SLCO2B1: variants seen among roughly 807,000 people sequenced by gnomAD.
The protein encoded by SLCO2B1 is solute carrier organic anion transporter family member 2B1.
In SLCO2B1, 41 loss-of-function variants were observed where a neutral mutation model predicts 67.3. The ratio of observed to expected loss-of-function variants is 0.61; its 90% CI spans 0.47 to 0.79. SLCO2B1 has a LOEUF of 0.79. SLCO2B1 is among the 30% of genes least tolerant of loss of function. The probability of loss-of-function intolerance (pLI) is 0.00; values close to 1 mark genes in which losing one functional copy is unlikely to be tolerated. For missense variants in SLCO2B1, 837 were observed against 920.1 expected, an observed-to-expected ratio of 0.91 and a Z score of 1.17; for synonymous variants, 379 against 381.4, an observed-to-expected ratio of 0.99 and a Z score of 0.07.
At chr11:75,172,308 T>A (rs1051967260) in intron 6 of SLCO2B1, 71 bp from the exon 7 acceptor site, 5 of 1,426,708 alleles carry the variant, frequency 3.5e-6, no homozygotes, top group Non-Finnish European at 4.8e-6. Flanking sequence ...CAGAGGCCAG[T>A]CCCAGGATGG....
At chr11:75,187,063 C>T (rs914942287) in intron 7 of SLCO2B1, among the ~76,000 whole-genome samples, 2 of 152,200 alleles carry the variant, frequency 1.3e-5, no homozygotes, top group Non-Finnish European at 2.9e-5. Context: ...ATGGTATCTA[C>T]TTCATTATTT....
intron 7 of SLCO2B1, among the ~76,000 whole-genome samples, chr11:75,186,469 A>G (rs565503613): frequency 2.0e-5 from 3 of 151,834 alleles, no homozygotes; most frequent in Admixed American, 6.6e-5. Context: ...TCACCCTCCC[A>G]AAGTGCTGAG....
intron 13 of SLCO2B1, chr11:75,203,772 T>C (rs1945224587): frequency 4.2e-6 from 1 of 237,558 alleles, no homozygotes; most frequent in Admixed American, 5.2e-5. Context: ...GAAAGCCCTG[T>C]CTAGGACACA....
At chr11:75,204,302 G>A in intron 13 of SLCO2B1, 98 bp from the exon 14 acceptor site, 1 of 1,253,686 alleles carries the variant, frequency 8.0e-7, no homozygotes, top group Non-Finnish European at 1.1e-6. Flanking sequence ...GTCTCCCTGA[G>A]GCCTCAGTAT....
In SLCO2B1 at chr11:75,205,292, T is replaced by A. The variant is rs1304789350; in HGVS notation, c.*712T>A. 6.6e-6 allele frequency: 1 copy of A among 152,290 alleles called. No homozygotes were observed. The highest frequency in any genetic ancestry group is 1.5e-5 in the Non-Finnish European group (1 of 68,090). The allele number at this position is 152,290 out of a possible 1,614,324, so 9.4% of individuals were successfully genotyped here. A position where few individuals can be genotyped will look rare whatever the true frequency, so the allele number is the denominator to read the frequency against. ...ACTCACTCTCCATCTCAGGAAATTCTAGCCCTTGCCCTCAGGGAGCCACGG... is the reference window on the plus strand; with the variant it reads ...ACTCACTCTCCATCTCAGGAAATTCAAGCCCTTGCCCTCAGGGAGCCACGG... On this transcript the variant is annotated 3_prime_UTR_variant, in exon 14 of 14. Transcript: ENST00000289575.
chr11:75,191,218 G>T (rs1327653087), intron 8 of SLCO2B1, among the ~76,000 whole-genome samples: 2 of 152,028 alleles, frequency 1.3e-5, no homozygotes, highest in Non-Finnish European at 2.9e-5. Context: ...CCTTAAACTG[G>T]CCTCTGGATG....
intron 4 of SLCO2B1, among the ~76,000 whole-genome samples, chr11:75,166,709 G>A (rs867591549): frequency 4.6e-5 from 7 of 152,232 alleles, no homozygotes; most frequent in East Asian, 3.9e-4. Flanking sequence ...TGCCTACTTC[G>A]TGCCTGAGCC....
chr11:75,195,471 C>T (rs985647603), intron 9 of SLCO2B1, among the ~76,000 whole-genome samples: 1 of 152,112 alleles, frequency 6.6e-6, no homozygotes, highest in Non-Finnish European at 1.5e-5. Flanking sequence ...TTCCTTCCCT[C>T]TCTGATAGAG....
intron 11 of SLCO2B1, chr11:75,201,117 C>T: frequency 6.9e-6 from 1 of 145,100 alleles, no homozygotes; most frequent in Non-Finnish European, 1.5e-5. Context: ...ACCTCCTCCT[C>T]CTGGGTTCAC....
At position 75,196,554 on chromosome 11, in the gene SLCO2B1, G is replaced by C. The variant is rs752102813; in HGVS notation, c.1474G>C (p.Ala492Pro). 1.7e-5 allele frequency: 27 copies of C among 1,614,080 alleles called. No individual in the cohort carries two copies. Among genetic ancestry groups the C allele is most frequent in the Non-Finnish European group, 2.3e-5 (27 of 1,180,004 alleles). ...GLELSPSCME[A>P]CSCPLDGFNP... Reference sequence around the variant, plus strand: ...GGAGCTGTCTCCAAGCTGCATGGAGGCCTGCTCCTGCCCATTGGACGGCTT... The same window carrying C: ...GGAGCTGTCTCCAAGCTGCATGGAGCCCTGCTCCTGCCCATTGGACGGCTT... Residue 492 changes from alanine to proline, a missense_variant, in exon 10 of 14, where the codon GCC (alanine) becomes CCC (proline). By Grantham distance (27) the Ala-to-Pro change is conservative. Transcript: ENST00000289575.
At chr11:75,194,619 CT>C in intron 9 of SLCO2B1, among the ~76,000 whole-genome samples, 1 of 152,258 alleles carries the variant, frequency 6.6e-6, no homozygotes, top group South Asian at 2.1e-4. Flanking sequence ...GCTCTCTAGC[CT>C]GGGGCCTCCT....
chr11:75,166,203 T>C (rs918351384), intron 4 of SLCO2B1, among the ~76,000 whole-genome samples: 6 of 152,080 alleles, frequency 3.9e-5, no homozygotes, highest in African/African-American at 1.4e-4. Context: ...TGTGGGTTTT[T>C]TTAGGTGGGG....
intron 6 of SLCO2B1, among the ~76,000 whole-genome samples, chr11:75,171,071 T>C (rs975751697): frequency 2.0e-5 from 3 of 152,110 alleles, no homozygotes; most frequent in African/African-American, 7.2e-5. Flanking sequence ...CAGCCTGACA[T>C]GGAGGCAGGG....
chr11:75,165,986 A>G (rs932202005), intron 4 of SLCO2B1, 37 bp downstream of exon 4: 1 of 1,600,158 alleles, frequency 6.2e-7, no homozygotes, highest in Non-Finnish European at 8.5e-7. Flanking sequence ...GTGGGACGTT[A>G]GCCTCTGCAT....
Position 75,151,329 on chromosome 11 carries a change from C to T in SLCO2B1, c.-53C>T. ...GATTTGCTTCCTCTCCCCTGCTAAG[C>T]TCCAGGTCCTGAGATTAAATTAGGG... is the stretch of plus-strand genomic sequence containing the variant. On this transcript the variant is annotated 5_prime_UTR_variant, in exon 1 of 14. Coordinates refer to ENST00000289575, the MANE Select transcript of SLCO2B1 (RefSeq NM_007256.5). 4 of 1,582,656 alleles carry T rather than the reference C, an allele frequency of 2.5e-6. No individual in the cohort carries two copies. The highest frequency in any genetic ancestry group is 3.5e-6 in the Non-Finnish European group (4 of 1,155,448).
chr11:75,204,286 G>A, intron 13 of SLCO2B1, 114 bp from the exon 14 acceptor site: 2 of 1,107,860 alleles, frequency 1.8e-6, no homozygotes, highest in Non-Finnish European at 2.6e-6. Context: ...CACAGCAGAG[G>A]TCAATGTCTC....
At chr11:75,170,683 G>A (rs1283879143) in intron 6 of SLCO2B1, among the ~76,000 whole-genome samples, 1 of 152,154 alleles carries the variant, frequency 6.6e-6, no homozygotes, top group Non-Finnish European at 1.5e-5. Context: ...GAACAGATCT[G>A]CGCAGCTCTG....
In SLCO2B1 at chr11:75,193,447, C is replaced by G; in HGVS notation, c.1305C>G (p.Leu435=). 3 of 1,613,250 alleles carry G rather than the reference C, an allele frequency of 1.9e-6. No individual in the cohort carries two copies. The highest frequency in any genetic ancestry group is 1.7e-6 in the Non-Finnish European group (2 of 1,179,328). ...IVVGGVLVKR[L]HLGPVGCGAL... ...TGGGTGGCGTCCTGGTCAAGCGGCTCCACCTGGGCCCTGTGGGATGCGGTG... is the reference window on the plus strand; with the variant it reads ...TGGGTGGCGTCCTGGTCAAGCGGCTGCACCTGGGCCCTGTGGGATGCGGTG... The change falls in exon 9 of 14, where the codon CTC becomes CTG. Residue 435 remains leucine, a synonymous_variant. Coordinates refer to ENST00000289575, the MANE Select transcript of SLCO2B1 (RefSeq NM_007256.5). The surrounding 1 kb of genome is among the most constrained non-coding windows in gnomAD (Gnocchi z 4.2).
chr11:75,202,326 C>T (rs1945194482), intron 11 of SLCO2B1: 1 of 153,972 alleles, frequency 6.5e-6, no homozygotes, highest in African/African-American at 2.4e-5. Flanking sequence ...TGCGTGGATA[C>T]AGGCCCTGAC....
Sources: allele counts gnomAD v4.1 joint callset (sites outside exome capture counted in the v4.1 genomes callset), GRCh38; gene constraint gnomAD v4.1.1; non-coding constraint Gnocchi (gnomAD v3.1); transcripts MANE v1.5; gene names NCBI Gene and HGNC (gene_info 2026-07-23, HGNC 2026-07-21).